CDON: variants seen among roughly 807,000 people sequenced by gnomAD.
CDON encodes the protein cell adhesion associated, oncogene regulated, also known as cell adhesion molecule-related/down-regulated by oncogenes.
A neutral mutation model predicts 120.9 loss-of-function variants in CDON; 73 were observed. The ratio of observed to expected loss-of-function variants is 0.60; its 90% CI spans 0.50 to 0.73. The LOEUF (loss-of-function observed/expected upper bound fraction) is 0.73. CDON is among the 30% of genes least tolerant of loss of function. The pLI is 0.00. For synonymous variants in CDON, 566 were observed against 573.5 expected, an observed-to-expected ratio of 0.99 and a Z score of 0.19; for missense variants, 1,470 against 1,587.3, an observed-to-expected ratio of 0.93 and a Z score of 1.26.
At chr11:126,061,593 GT>G (rs1435672067) in intron 1 of CDON, among the ~76,000 whole-genome samples, 1 of 152,174 alleles carries the variant, frequency 6.6e-6, no homozygotes, top group Non-Finnish European at 1.5e-5. Flanking sequence ...GAATTTGAGG[GT>G]TATGTTATCA....
intron 15 of CDON, among the ~76,000 whole-genome samples, chr11:125,986,154 T>A (rs544653868): frequency 6.6e-6 from 1 of 152,230 alleles, no homozygotes. Flanking sequence ...GATGAGTTCA[T>A]GTCCTTCGTA....
At chr11:126,031,298 C>T (rs999876028) in intron 1 of CDON, among the ~76,000 whole-genome samples, 1 of 152,200 alleles carries the variant, frequency 6.6e-6, no homozygotes, top group African/African-American at 2.4e-5. Flanking sequence ...ACTCGTCTAA[C>T]ATGGGAATGG....
chr11:125,960,902 C>T lies in CDON; in HGVS notation c.*40G>A, dbSNP rs779571923. ...CTCCCAGGCCTGTTGTGTGCAGTTA[C>T]CGGCTTGAAGTTGGAACATGACTGG... is the stretch of plus-strand genomic sequence containing the variant. On this transcript the variant is annotated 3_prime_UTR_variant, in exon 20 of 20. Coordinates refer to ENST00000531738, the MANE Select transcript of CDON (RefSeq NM_001378964.1). 4 of 1,603,990 alleles carry T rather than the reference C, an allele frequency of 2.5e-6. 1 individual carries two copies. Among genetic ancestry groups the T allele is most frequent in the Middle Eastern group, 1.9e-4 (1 of 5,184 alleles).
At chr11:126,016,367 C>G (rs551415300) in intron 6 of CDON, among the ~76,000 whole-genome samples, 2 of 152,282 alleles carry the variant, frequency 1.3e-5, no homozygotes, top group South Asian at 4.2e-4. Context: ...TCAATTTTAT[C>G]ACCCAGGCAT....
intron 15 of CDON, 37 bp from the exon 16 acceptor site, chr11:125,984,130 G>A (rs1273455786): frequency 7.3e-7 from 1 of 1,371,818 alleles, no homozygotes; most frequent in Non-Finnish European, 1.0e-6. Flanking sequence ...ATGTCAGAGT[G>A]AATACAGACT....
intron 5 of CDON, among the ~76,000 whole-genome samples, chr11:126,017,909 T>C (rs1947517629): frequency 6.6e-6 from 1 of 150,840 alleles, no homozygotes; most frequent in Non-Finnish European, 1.5e-5. Flanking sequence ...TGTATTTACT[T>C]TTTTTTTTAA....
At position 125,997,290 on chromosome 11, in the gene CDON, C is replaced by T. The variant is rs150587299; in HGVS notation, c.2279G>A (p.Arg760Gln). 2.9e-4 allele frequency: 471 copies of T among 1,614,032 alleles called. 2 individuals carry two copies. In the African/African-American group the frequency reaches 3.9e-3, roughly 13 times the overall value. ...PITAFKVEYK[R>Q]MRTSNWLVAA... ...CACCAGCCAATTGCTGGTCCTCATC[C>T]GTTTATATTCGACTTTGAAGGCAGT... Residue 760 changes from arginine to glutamine, a missense_variant, in exon 12 of 20, where the codon CGG becomes CAG. Arg to Gln is a conservative substitution (Grantham distance 43, BLOSUM62 1). Coordinates refer to ENST00000531738, the MANE Select transcript of CDON (RefSeq NM_001378964.1).
At position 126,010,702 on chromosome 11, in the gene CDON, A is replaced by G. The variant is rs1591382720; in HGVS notation, c.1199-8T>C. The G allele has an allele frequency of 1.9e-6, 3 of 1,609,074 alleles. No individual in the cohort carries two copies. The highest frequency in any genetic ancestry group is 1.7e-4 in the Middle Eastern group (1 of 6,052). ...CTGGCTTGAATCCACCGTCTATTAAAAAAGTAATTCACATATGAAAAATGA... is the reference window on the plus strand; with the variant it reads ...CTGGCTTGAATCCACCGTCTATTAAGAAAGTAATTCACATATGAAAAATGA... On this transcript the variant is annotated splice_polypyrimidine_tract_variant and splice_region_variant and intron_variant, in intron 7 of 19. Coordinates refer to ENST00000531738, the MANE Select transcript of CDON (RefSeq NM_001378964.1).
intron 1 of CDON, among the ~76,000 whole-genome samples, chr11:126,049,759 C>T (rs1398553490): frequency 6.6e-6 from 1 of 152,134 alleles, no homozygotes; most frequent in Admixed American, 6.5e-5. Context: ...AATTGAAAAA[C>T]AAATTTTGTT....
intron 18 of CDON, among the ~76,000 whole-genome samples, chr11:125,977,670 G>C (rs75734189): frequency 6.6e-6 from 1 of 152,168 alleles, no homozygotes; most frequent in Non-Finnish European, 1.5e-5. Context: ...TTACCATAGA[G>C]AGAGGTCGTA....
At chr11:126,010,772 C>A in intron 7 of CDON, 78 bp from the exon 8 acceptor site, 1 of 1,161,454 alleles carries the variant, frequency 8.6e-7, no homozygotes, top group Non-Finnish European at 1.3e-6. Context: ...CATCCTATCA[C>A]GTAAATGTGG....
intron 9 of CDON, chr11:126,004,576 G>A: frequency 6.3e-6 from 1 of 157,664 alleles, no homozygotes; most frequent in South Asian, 1.8e-4. Context: ...ATGTGTTAGA[G>A]GAAATAAAAA....
At position 126,010,446 on chromosome 11, in the gene CDON, T is replaced by A; in HGVS notation, c.1447A>T (p.Ser483Cys). 6.2e-7 allele frequency: 1 copy of A among 1,614,140 alleles called. No individual in the cohort carries two copies. Among genetic ancestry groups the A allele is most frequent in the Non-Finnish European group, 8.5e-7 (1 of 1,180,004 alleles). ...VYFVLSQAGA[S>C]SLHIQAVTQE... ...GTCACAGCCTGAATATGGAGAGAGC[T>A]TGCACCAGCTTGGGACAGGACGAAG... is the stretch of plus-strand genomic sequence containing the variant. The change falls in exon 8 of 20, where the codon AGC becomes TGC. Residue 483 changes from serine to cysteine, a missense_variant. By Grantham distance (112) the Ser-to-Cys change is moderately radical. Coordinates refer to ENST00000531738, the MANE Select transcript of CDON (RefSeq NM_001378964.1).
chr11:126,038,926 A>AG (rs1948178002), intron 1 of CDON, among the ~76,000 whole-genome samples: 2 of 152,232 alleles, frequency 1.3e-5, no homozygotes, highest in Non-Finnish European at 2.9e-5. Flanking sequence ...GTGCAAATAA[A>AG]ACATATTACT....
intron 17 of CDON, among the ~76,000 whole-genome samples, chr11:125,980,630 C>T (rs961465230): frequency 2.0e-5 from 3 of 152,212 alleles, no homozygotes; most frequent in African/African-American, 4.8e-5. Flanking sequence ...ACTGTCTGTG[C>T]TCTCCAGGTG....
rs527875178 is a variant in CDON at position 126,005,802 on chromosome 11, T to A, written c.1808A>T (p.Asp603Val). 15 of 1,614,086 alleles carry A rather than the reference T, an allele frequency of 9.3e-6. No homozygotes were observed. Among genetic ancestry groups the A allele is most frequent in the Non-Finnish European group, 1.3e-5 (15 of 1,180,020 alleles). ...GTAAGCATTGATGGGCAGCCCACCA[T>A]CCTTGCCTGCCCTCCACACCAGGTT... ...TYNLVWRAGK[D>V]GGLPINAYFV... is the part of the protein sequence containing the mutation. The change falls in exon 9 of 20, where the codon GAT (aspartate) becomes GTT (valine). Residue 603 changes from aspartate to valine, a missense_variant. Physicochemically the swap from Asp to Val is radical, Grantham distance 152. Transcript: ENST00000531738.
chr11:126,010,338 C>T lies in CDON; in HGVS notation c.1552+3G>A, dbSNP rs531076811. ...CTAAAAATAAATAATAATGGCAACT[C>T]ACCAACCATGAGAGATGCTTCTGCC... On this transcript the variant is annotated splice_donor_region_variant and intron_variant, in intron 8 of 19. Transcript: ENST00000531738. 2.5e-6 allele frequency: 4 copies of T among 1,589,196 alleles called. No individual in the cohort carries two copies. In the African/African-American group the frequency reaches 5.4e-5, roughly 21 times the overall value.
chr11:126,001,880 C>T (rs776670952), intron 10 of CDON, 30 bp from the exon 11 acceptor site: 2 of 1,516,760 alleles, frequency 1.3e-6, no homozygotes, highest in Non-Finnish European at 1.8e-6. Context: ...TATACAGTAA[C>T]ATAAGCATAT....
chr11:125,960,483 C>G lies in CDON; in HGVS notation c.*459G>C, dbSNP rs1299772788. The G allele has an allele frequency of 5.6e-6, 1 of 177,894 alleles. No individual in the cohort carries two copies. The highest frequency in any genetic ancestry group is 1.2e-5 in the Non-Finnish European group (1 of 84,282). The allele number at this position is 177,894 out of a possible 1,614,324, so 11.0% of individuals were successfully genotyped here. A position where few individuals can be genotyped will look rare whatever the true frequency, so the allele number is the denominator to read the frequency against. On this transcript the variant is annotated 3_prime_UTR_variant, in exon 20 of 20. Transcript: ENST00000531738. ...CTCCAGCCTGGATGACAGCAAGACT[C>G]CATCTCAAAAAACAAACAAAAAAAA...
Sources: gnomAD v4.1 joint callset for allele counts (sites outside exome capture counted in the v4.1 genomes callset) on GRCh38, gnomAD v4.1.1 for gene constraint, MANE v1.5 for transcripts, NCBI Gene and HGNC (gene_info 2026-07-23, HGNC 2026-07-21) for gene names.